Variants in STK10 observed in about 807,000 individuals in gnomAD.
STK10 encodes serine/threonine kinase 10.
Under a neutral mutation model 113.8 loss-of-function variants are expected in STK10, and 78 were observed. That is an observed-to-expected ratio of 0.69 (90% CI 0.57 to 0.83). The LOEUF is 0.83. STK10 is among the 40% of genes least tolerant of loss of function. The pLI is 0.00. For synonymous variants in STK10, 465 were observed against 494.7 expected, an observed-to-expected ratio of 0.94 and a Z score of 0.80; for missense variants, 1,109 against 1,280.1, an observed-to-expected ratio of 0.87 and a Z score of 2.04.
chr5:172,111,822 T>C (rs1341902598), intron 4 of STK10, among the ~76,000 whole-genome samples: 1 of 152,258 alleles, frequency 6.6e-6, no homozygotes, highest in African/African-American at 2.4e-5. Context: ...GTTTATCGAA[T>C]GAGCATGCTC....
chr5:172,181,694 G>A (rs1770858673), intron 1 of STK10, among the ~76,000 whole-genome samples: 1 of 149,776 alleles, frequency 6.7e-6, no homozygotes, highest in Non-Finnish European at 1.5e-5. Flanking sequence ...ATGTTGGCCA[G>A]GCTGGTCTCG....
intron 7 of STK10, among the ~76,000 whole-genome samples, chr5:172,103,765 T>A (rs1240915993): frequency 6.6e-6 from 1 of 152,104 alleles, no homozygotes; most frequent in Non-Finnish European, 1.5e-5. Context: ...TTTAAAAAAA[T>A]AAATACCTCA....
At chr5:172,150,187 T>C (rs903445635) in intron 2 of STK10, among the ~76,000 whole-genome samples, 15 of 150,246 alleles carry the variant, frequency 1.0e-4, no homozygotes, top group African/African-American at 3.7e-4. Flanking sequence ...CAGGCAGAAC[T>C]CAGGTCTCCT....
intron 4 of STK10, among the ~76,000 whole-genome samples, chr5:172,116,067 T>TTTTTTGTTTTTG: frequency 6.6e-6 from 1 of 152,210 alleles, no homozygotes; most frequent in East Asian, 1.9e-4. Flanking sequence ...TGTTGTTTGT[T>TTTTTTGTTTTTG]TTTTTGTTTT....
chr5:172,118,119 C>T (rs1769429932), intron 3 of STK10, among the ~76,000 whole-genome samples: 1 of 151,814 alleles, frequency 6.6e-6, no homozygotes, highest in African/African-American at 2.4e-5. Context: ...TCATAACAGT[C>T]CTATGAAGCA....
chr5:172,160,839 G>A (rs909462790), intron 1 of STK10, among the ~76,000 whole-genome samples: 1 of 152,202 alleles, frequency 6.6e-6, no homozygotes, highest in Non-Finnish European at 1.5e-5. Flanking sequence ...GGAACTAGGG[G>A]AGTGGCACCA....
In STK10 at chr5:172,156,803, T is replaced by C. The variant is rs781163259; in HGVS notation, c.157-15A>G. On this transcript the variant is annotated splice_polypyrimidine_tract_variant and intron_variant, in intron 1 of 18. Coordinates refer to ENST00000176763, the MANE Select transcript of STK10 (RefSeq NM_005990.4). ...TTATTCTTGGCCTGCAAAGAGGAGA[T>C]ACAGGAGGTCAACAAGGCATGCTCC... 1,335 of 1,606,664 alleles carry C rather than the reference T, an allele frequency of 8.3e-4. 1 individual carries two copies. Among genetic ancestry groups the C allele is most frequent in the Non-Finnish European group, 9.4e-4 (1,098 of 1,174,168 alleles).
chr5:172,127,090 C>T (rs975461149), intron 3 of STK10, among the ~76,000 whole-genome samples: 10 of 152,130 alleles, frequency 6.6e-5, no homozygotes, highest in African/African-American at 2.2e-4. Flanking sequence ...GTCATTTGAA[C>T]CCGGGAGGCG....
At chr5:172,047,693 C>G (rs1483427430) in intron 18 of STK10, among the ~76,000 whole-genome samples, 1 of 152,104 alleles carries the variant, frequency 6.6e-6, no homozygotes, top group Admixed American at 6.5e-5. Context: ...GTAAGCAGAA[C>G]TGATGTACGA....
At position 172,171,398 on chromosome 5, in the gene STK10, T is replaced by C. The variant is rs528927483; in HGVS notation, c.157-14610A>G. Among the ~76,000 whole-genome samples the C allele has an allele frequency of 2.0e-5, 3 of 152,260 alleles. No homozygotes were observed. The South Asian group carries it at 6.2e-4, about 32-fold the overall frequency. On this transcript the variant is annotated intron_variant, in intron 1 of 18. Coordinates refer to ENST00000176763, the MANE Select transcript of STK10 (RefSeq NM_005990.4). ...GCTGTTGTGAGCATTTAATGAGTTA[T>C]ACGTGAAAGGCGCTTAGAAGAGGCT... is the stretch of plus-strand genomic sequence containing the variant.
At chr5:172,150,620 G>A (rs922515091) in intron 2 of STK10, among the ~76,000 whole-genome samples, 2 of 152,102 alleles carry the variant, frequency 1.3e-5, no homozygotes, top group African/African-American at 4.8e-5. Flanking sequence ...TTACAGTTTT[G>A]GCTGTTTTGA....
Position 172,082,233 on chromosome 5 carries a change from G to C in STK10, c.1989+93C>G. The C allele has an allele frequency of 7.2e-7, 1 of 1,384,554 alleles. No homozygotes were observed. The highest frequency in any genetic ancestry group is 9.5e-7 in the Non-Finnish European group (1 of 1,051,830). The allele number at this position is 1,384,554 out of a possible 1,614,324, so 85.8% of individuals were successfully genotyped here. On this transcript the variant is annotated intron_variant, in intron 12 of 18. Transcript: ENST00000176763. The surrounding 1 kb of genome is among the most constrained non-coding windows in gnomAD (Gnocchi z 4.3). ...CCGAGCTCTTCAGCCGTACCCCTCT[G>C]CTGCCAAGGTGAGGTTGAGGCCACG...
chr5:172,134,960 G>C (rs1769822468), intron 2 of STK10, among the ~76,000 whole-genome samples: 1 of 150,948 alleles, frequency 6.6e-6, no homozygotes, highest in African/African-American at 2.4e-5. Flanking sequence ...ACCCACAAAT[G>C]GAAAATATTT....
intron 12 of STK10, 144 bp from the exon 13 acceptor site, chr5:172,064,956 A>C: frequency 2.5e-6 from 2 of 807,488 alleles, no homozygotes. Flanking sequence ...GCGGCTCCCC[A>C]CCAAGCCCCT....
chr5:172,161,253 AC>A (rs1770463386), intron 1 of STK10, among the ~76,000 whole-genome samples: 2 of 152,086 alleles, frequency 1.3e-5, no homozygotes, highest in Admixed American at 1.3e-4. Flanking sequence ...GGAGTTTGAG[AC>A]CAGCCTGGCC....
rs1203433043 is a variant in STK10, at chr5:172,055,729, C to G, written c.2385G>C (p.Leu795=). The G allele has an allele frequency of 6.3e-7, 1 of 1,579,636 alleles. No individual in the cohort carries two copies. Among genetic ancestry groups the G allele is most frequent in the Non-Finnish European group, 8.6e-7 (1 of 1,159,792 alleles). The stretch of plus-strand genomic sequence containing the variant: ...CCTTTTCCTGTTGCTGCCGCACCTT[C>G]AGCTGCTCTATCATGCGCTGGTTGT... The part of the protein sequence containing the change: ...QRYNQRMIEQ[L]KVRQQQEKAR... The change falls in exon 16 of 19, where the codon CTG becomes CTC. Residue 795 remains leucine (L), a synonymous_variant. Coordinates refer to ENST00000176763, the MANE Select transcript of STK10 (RefSeq NM_005990.4).
intron 1 of STK10, among the ~76,000 whole-genome samples, chr5:172,183,776 T>C (rs891507267): frequency 4.6e-5 from 7 of 152,234 alleles, no homozygotes; most frequent in Non-Finnish European, 1.5e-5. Flanking sequence ...TGGTTTTCTT[T>C]TGAAACCAAT....
At chr5:172,132,951 G>C (rs757631825) in intron 2 of STK10, among the ~76,000 whole-genome samples, 1 of 152,176 alleles carries the variant, frequency 6.6e-6, no homozygotes, top group Non-Finnish European at 1.5e-5. Flanking sequence ...ACCTGCCTTA[G>C]AGCTATCCCA....
chr5:172,066,607 G>A lies in STK10; in HGVS notation c.1990-1795C>T, dbSNP rs556194779. On this transcript the variant is annotated intron_variant, in intron 12 of 18. Transcript: ENST00000176763. ...TTCAAGACCAGCCTTGGGCAACATG[G>A]TGAAACCCTGTCTCTACTAAAAATA... 2.6e-5 allele frequency among the ~76,000 whole-genome samples: 4 copies of A among 152,294 alleles called. No individual in the cohort carries two copies. The South Asian group carries it at 8.3e-4, about 32-fold the overall frequency.
Sources: allele counts gnomAD v4.1 joint callset (sites outside exome capture counted in the v4.1 genomes callset), GRCh38; gene constraint gnomAD v4.1.1; non-coding constraint Gnocchi (gnomAD v3.1); transcripts MANE v1.5; gene names NCBI Gene and HGNC (gene_info 2026-07-23, HGNC 2026-07-21).